Variants in SP140L observed in about 807,000 individuals in gnomAD.
The protein encoded by SP140L is SP140 like nuclear body protein.
A neutral mutation model predicts 84.3 loss-of-function variants in SP140L; 64 were observed. The ratio of observed to expected loss-of-function variants is 0.76; its 90% CI spans 0.62 to 0.94. SP140L has a LOEUF of 0.94. SP140L is among the 40% of genes least tolerant of loss of function. The pLI is 0.00. For synonymous variants in SP140L, 242 were observed against 236.9 expected (o/e 1.02, Z -0.20); for missense variants, 628 against 692.5 (o/e 0.91, Z 1.05).
chr2:230,358,453 G>A (rs1373216507), intron 3 of SP140L, among the ~76,000 whole-genome samples: 1 of 152,140 alleles, frequency 6.6e-6, no homozygotes, highest in Non-Finnish European at 1.5e-5. Context: ...TGGAATATGA[G>A]TAAATTCCAC....
intron 18 of SP140L, among the ~76,000 whole-genome samples, 193 bp downstream of exon 18, chr2:230,402,000 C>T (rs1003754372): frequency 2.0e-5 from 3 of 152,228 alleles, no homozygotes; most frequent in African/African-American, 7.2e-5. Context: ...GGTGTCCCTG[C>T]AACCAGAACC....
intron 6 of SP140L, 111 bp downstream of exon 6, chr2:230,371,078 C>G (rs1391631296): frequency 1.1e-6 from 1 of 914,938 alleles, no homozygotes; most frequent in African/African-American, 1.6e-5. Flanking sequence ...TGTGCATTTG[C>G]CTCACCCAAG....
intron 2 of SP140L, among the ~76,000 whole-genome samples, 190 bp downstream of exon 2, chr2:230,329,021 A>G (rs2059654916): frequency 6.6e-6 from 1 of 152,198 alleles, no homozygotes; most frequent in Non-Finnish European, 1.5e-5. Context: ...AATATTCTGC[A>G]AAGTATAAAT....
At chr2:230,361,344 A>G (rs1186673972) in intron 4 of SP140L, among the ~76,000 whole-genome samples, 1 of 152,112 alleles carries the variant, frequency 6.6e-6, no homozygotes, top group Non-Finnish European at 1.5e-5. Context: ...ATGTATGCCT[A>G]CCCTGCCATC....
intron 7 of SP140L, chr2:230,371,905 T>A (rs879165707): frequency 1.6e-5 from 7 of 439,588 alleles, no homozygotes; most frequent in South Asian, 1.6e-4. Flanking sequence ...GGTTATGTGG[T>A]GGGCCCAATC....
chr2:230,357,657 A>G (rs187104682), intron 2 of SP140L, 148 bp from the exon 3 acceptor site: 4 of 733,132 alleles, frequency 5.5e-6, no homozygotes, highest in African/African-American at 1.8e-5. Context: ...TGTTGCTTCA[A>G]TTCCATTTAT....
intron 2 of SP140L, among the ~76,000 whole-genome samples, chr2:230,332,341 G>T (rs1186706617): frequency 1.3e-5 from 2 of 152,210 alleles, no homozygotes; most frequent in African/African-American, 4.8e-5. Context: ...TCGTCGTCCA[G>T]TTTCCCAGAT....
chr2:230,355,670 A>G (rs563525938), intron 2 of SP140L, among the ~76,000 whole-genome samples: 10 of 152,340 alleles, frequency 6.6e-5, no homozygotes, highest in Admixed American at 6.5e-4. Context: ...GCATAAGGAT[A>G]GACAAACAGA....
At chr2:230,386,255 C>T (rs1385245029) in intron 9 of SP140L, among the ~76,000 whole-genome samples, 1 of 152,148 alleles carries the variant, frequency 6.6e-6, no homozygotes, top group Non-Finnish European at 1.5e-5. Flanking sequence ...ATCAACTCAA[C>T]CTACTTGCTT....
At chr2:230,380,832 G>A (rs1184309554) in intron 7 of SP140L, among the ~76,000 whole-genome samples, 1 of 152,140 alleles carries the variant, frequency 6.6e-6, no homozygotes, top group Non-Finnish European at 1.5e-5. Flanking sequence ...TTCATTGCTA[G>A]TGTCCATTGT....
intron 11 of SP140L, among the ~76,000 whole-genome samples, chr2:230,391,010 G>T (rs2061779718): frequency 6.6e-6 from 1 of 152,112 alleles, no homozygotes; most frequent in Non-Finnish European, 1.5e-5. Context: ...ATGACTGGCT[G>T]CTTTTAATCA....
chr2:230,370,072 A>G (rs183245825), intron 5 of SP140L, among the ~76,000 whole-genome samples: 14 of 152,258 alleles, frequency 9.2e-5, no homozygotes, highest in Admixed American at 2.0e-4. Context: ...GCACCCTGCC[A>G]CTTCTTACTG....
intron 2 of SP140L, among the ~76,000 whole-genome samples, chr2:230,342,328 G>A (rs1349701565): frequency 6.6e-6 from 1 of 152,218 alleles, no homozygotes; most frequent in Non-Finnish European, 1.5e-5. Context: ...CCCAAGTGAG[G>A]CAATGCCTCG....
At position 230,402,848 on chromosome 2, in the gene SP140L, G is replaced by C; in HGVS notation, c.1695G>C (p.Lys565Asn). The C allele has an allele frequency of 1.2e-6, 2 of 1,613,240 alleles. No individual in the cohort carries two copies. Among genetic ancestry groups the C allele is most frequent in the East Asian group, 2.2e-5 (1 of 44,856 alleles). The change falls in exon 19 of 19, where the codon AAG becomes AAC. Residue 565 changes from lysine (K) to asparagine (N), a missense_variant. Physicochemically the swap from Lys to Asn is moderately conservative, Grantham distance 94. This residue lies in a region of SP140L where 44 missense variants were observed against 36.1 expected (regional missense o/e 1.22). Transcript: ENST00000415673. ...TTAGACTGGAGGCTGAATTTGAGAAGGATTTCAAGGAAGTGTTTGCTATTC... is the reference window on the plus strand; with the variant it reads ...TTAGACTGGAGGCTGAATTTGAGAACGATTTCAAGGAAGTGTTTGCTATTC... ...MGLRLEAEFE[K>N]DFKEVFAIQE...
chr2:230,328,306 G>C (rs1265660533), intron 1 of SP140L, among the ~76,000 whole-genome samples: 1 of 152,212 alleles, frequency 6.6e-6, no homozygotes, highest in African/African-American at 2.4e-5. Context: ...GTCTTGTGAA[G>C]AGTCTTCGGC....
At chr2:230,368,052 A>G (rs1405430020) in intron 5 of SP140L, among the ~76,000 whole-genome samples, 1 of 152,210 alleles carries the variant, frequency 6.6e-6, no homozygotes, top group Admixed American at 6.5e-5. Context: ...TTGACTGTGG[A>G]CTTATTTTAA....
chr2:230,388,821 G>A, intron 10 of SP140L, 188 bp downstream of exon 10: 2 of 549,692 alleles, frequency 3.6e-6, no homozygotes, highest in Admixed American at 3.8e-5. Flanking sequence ...GTTGGTGATG[G>A]ATCTACAACC....
chr2:230,328,677 A>T, intron 1 of SP140L, 80 bp from the exon 2 acceptor site: 1 of 1,546,074 alleles, frequency 6.5e-7, no homozygotes, highest in Non-Finnish European at 8.7e-7. Context: ...TCTTGTGCCT[A>T]AACCTTAAAA....
intron 2 of SP140L, among the ~76,000 whole-genome samples, chr2:230,333,150 C>T (rs1428951983): frequency 4.6e-5 from 7 of 150,892 alleles, no homozygotes; most frequent in Admixed American, 2.6e-4. Context: ...AATAAGAAGT[C>T]GAATGCCATT....
Sources: gnomAD v4.1 joint callset for allele counts (sites outside exome capture counted in the v4.1 genomes callset) on GRCh38, gnomAD v4.1.1 for gene constraint, gnomAD v4.1.1 regional missense constraint, MANE v1.5 for transcripts, NCBI Gene and HGNC (gene_info 2026-07-23, HGNC 2026-07-21) for gene names.